The following DSEL variants were observed in gnomAD, a reference collection of about 807,000 sequenced individuals.
The protein encoded by DSEL is dermatan sulfate epimerase like, also known as dermatan-sulfate epimerase-like protein.
DSEL carries 61 observed loss-of-function variants against 96.6 expected under a neutral mutation model. The ratio of observed to expected loss-of-function variants is 0.63; its 90% CI spans 0.51 to 0.78. The LOEUF (loss-of-function observed/expected upper bound fraction) is 0.78. Among genes scored for constraint, DSEL ranks in the 30% least tolerant of loss-of-function variants. DSEL has a pLI of 0.00. For synonymous variants in DSEL, 514 were observed against 502.0 expected, an observed-to-expected ratio of 1.02 and a Z score of -0.32; for missense variants, 1,320 against 1,430.8, an observed-to-expected ratio of 0.92 and a Z score of 1.25.
rs537867992 is a variant in DSEL, at chr18:67,514,937, T to A, written c.-329A>T. ...TGAATTTAGCATTTACCTCCTTTAC[T>A]TAAATCTATTTAACACAAAGAGTTG... On this transcript the variant is annotated 5_prime_UTR_variant, in exon 2 of 2. The change creates a new upstream start codon in the 5' untranslated region. Transcript: ENST00000310045. The A allele has an allele frequency of 3.0e-6, 1 of 332,212 alleles. No homozygotes were observed. Among genetic ancestry groups the A allele is most frequent in the Non-Finnish European group, 5.7e-6 (1 of 174,964 alleles). 20.6% of individuals were successfully genotyped at this position (332,212 alleles called of 1,614,324 possible).
At position 67,514,828 on chromosome 18, in the gene DSEL, T is replaced by C. The variant is rs1598980411; in HGVS notation, c.-220A>G. The C allele has an allele frequency of 1.9e-6, 1 of 527,398 alleles. No individual in the cohort carries two copies. 32.7% of individuals were successfully genotyped at this position (527,398 alleles called of 1,614,324 possible). A position where few individuals can be genotyped will look rare whatever the true frequency, so the allele number is the denominator to read the frequency against. On this transcript the variant is annotated 5_prime_UTR_variant, in exon 2 of 2. Coordinates refer to ENST00000310045, the MANE Select transcript of DSEL (RefSeq NM_032160.3). ...GTATATCTCTGTCCCTGGCACAGTT[T>C]TGCTTCCAGTAAAACTTTGAATAAC...
chr18:67,508,733 T>TA lies in DSEL; in HGVS notation c.*2236_*2237insT, dbSNP rs2089424211. On this transcript the variant is annotated 3_prime_UTR_variant, in exon 2 of 2. Transcript: ENST00000310045. The stretch of plus-strand genomic sequence containing the variant: ...CCAACAGGTACATTTCTTTTTTTCT[T>TA]TTTTTTTTTTTTTTGAGGCGGAGTC... 1 of 143,154 alleles carries TA rather than the reference T, an allele frequency of 7.0e-6. No individual in the cohort carries two copies. The highest frequency in any genetic ancestry group is 1.5e-5 in the Non-Finnish European group (1 of 64,608). The allele number at this position is 143,154 out of a possible 1,614,324, so 8.9% of individuals were successfully genotyped here.
Position 67,514,648 on chromosome 18 carries a change from A to T in DSEL, c.-40T>A, listed in dbSNP as rs904714239. The T allele has an allele frequency of 6.2e-7, 1 of 1,602,560 alleles. No homozygotes were observed. The highest frequency in any genetic ancestry group is 8.5e-7 in the Non-Finnish European group (1 of 1,174,256). ...CTCCTCCCTTAGGCATACATGTCAGATATGATGCTCAATGTGTTTCCCATC... is the reference window on the plus strand; with the variant it reads ...CTCCTCCCTTAGGCATACATGTCAGTTATGATGCTCAATGTGTTTCCCATC... On this transcript the variant is annotated 5_prime_UTR_variant, in exon 2 of 2. Coordinates refer to ENST00000310045, the MANE Select transcript of DSEL (RefSeq NM_032160.3).
rs929846348 is a variant in DSEL at position 67,513,959 on chromosome 18, C to A, written c.650G>T (p.Gly217Val). ...TTGGTGGTTATGGAGAAGCTGTTTG[C>A]CCCATGAGCGGACCTTGGAATACTC... Reference protein sequence around the residue: ...MYEYSKVRSWGKQLLHNHQAT... With the variant: ...MYEYSKVRSWVKQLLHNHQAT... Residue 217 changes from glycine (G) to valine (V), a missense_variant, in exon 2 of 2, where the codon GGC becomes GTC. This residue lies in a region of DSEL where 323 missense variants were observed against 333.1 expected (regional missense o/e 0.97). Coordinates refer to ENST00000310045, the MANE Select transcript of DSEL (RefSeq NM_032160.3). 6 of 1,614,026 alleles carry A rather than the reference C, an allele frequency of 3.7e-6. No homozygotes were observed. The highest frequency in any genetic ancestry group is 5.1e-6 in the Non-Finnish European group (6 of 1,180,026).
Position 67,513,601 on chromosome 18 carries a change from C to T in DSEL, c.1008G>A (p.Trp336Ter). ...TVGIADSNYN[W>*]FYGPESQLVF... ...CTAGCTGGCTTTCTGGACCATAAAA[C>T]CAATTATAATTGGAATCTGCTATAC... The change falls in exon 2 of 2, where the codon TGG becomes TGA. Residue 336 changes from tryptophan to a stop codon, truncating the protein, a stop_gained. Transcript: ENST00000310045. LOFTEE classifies it high-confidence loss of function. The T allele has an allele frequency of 1.2e-6, 2 of 1,614,178 alleles. No homozygotes were observed. Among genetic ancestry groups the T allele is most frequent in the Non-Finnish European group, 1.7e-6 (2 of 1,180,028 alleles).
At position 67,511,366 on chromosome 18, in the gene DSEL, A is replaced by G. The variant is rs757479420; in HGVS notation, c.3243T>C (p.Tyr1081=). 1 of 1,603,566 alleles carries G rather than the reference A, an allele frequency of 6.2e-7. No homozygotes were observed. The highest frequency in any genetic ancestry group is 8.5e-7 in the Non-Finnish European group (1 of 1,179,980). ...TTGATAATTCTTTCCTCAATGGTTC[A>G]TACTCGAAAGCATAACCCGAATTTA... ...CNLNSGYAFE[Y]EPLRKELSKS... Residue 1081 remains tyrosine (Y), a synonymous_variant, in exon 2 of 2, where the codon TAT becomes TAC. Transcript: ENST00000310045.
At position 67,513,946 on chromosome 18, in the gene DSEL, G is replaced by A. The variant is rs772507809; in HGVS notation, c.663C>T (p.Leu221=). 6.2e-7 allele frequency: 1 copy of A among 1,614,196 alleles called. No individual in the cohort carries two copies. The highest frequency in any genetic ancestry group is 1.1e-5 in the South Asian group (1 of 91,084). The change falls in exon 2 of 2, where the codon CTC becomes CTT. Residue 221 remains leucine, a synonymous_variant. Transcript: ENST00000310045. Reference sequence around the variant, plus strand: ...TCATATTAGTGGCTTGGTGGTTATGGAGAAGCTGTTTGCCCCATGAGCGGA... The same window carrying A: ...TCATATTAGTGGCTTGGTGGTTATGAAGAAGCTGTTTGCCCCATGAGCGGA... ...SKVRSWGKQL[L]HNHQATNMIA...
chr18:67,513,210 G>A lies in DSEL; in HGVS notation c.1399C>T (p.His467Tyr). 6.2e-7 allele frequency: 1 copy of A among 1,614,204 alleles called. No individual in the cohort carries two copies. The highest frequency in any genetic ancestry group is 8.5e-7 in the Non-Finnish European group (1 of 1,180,034). ...AATGAGTTCTGATCTGGATGCTCAT[G>A]TCCTGGGTTAAAACTTCTCCACCCA... ...IDGWRSFNPG[H>Y]EHPDQNSFTF... Residue 467 changes from histidine (H) to tyrosine (Y), a missense_variant, in exon 2 of 2, where the codon CAT (histidine) becomes TAT (tyrosine). By Grantham distance (83) the His-to-Tyr change is moderately conservative. Transcript: ENST00000310045.
At chr18:67,515,724 A>C (rs2089471856) in intron 1 of DSEL, among the ~76,000 whole-genome samples, 1 of 152,206 alleles carries the variant, frequency 6.6e-6, no homozygotes. Context: ...TAACAATACA[A>C]AATATACAAG....
In DSEL at chr18:67,515,448, A is replaced by G. The variant is rs1038055989; in HGVS notation, c.-840T>C. ...AACGGGGAAAGAAAATTCCCCTTTC[A>G]GCAACAGTGAGGTCTCTCTTCTGCT... On this transcript the variant is annotated 5_prime_UTR_variant, in exon 2 of 2. Coordinates refer to ENST00000310045, the MANE Select transcript of DSEL (RefSeq NM_032160.3). 2 of 167,112 alleles carry G rather than the reference A, an allele frequency of 1.2e-5. No homozygotes were observed. The highest frequency in any genetic ancestry group is 2.9e-5 in the Non-Finnish European group (2 of 68,140). 10.4% of individuals were successfully genotyped at this position (167,112 alleles called of 1,614,324 possible). A position where few individuals can be genotyped will look rare whatever the true frequency, so the allele number is the denominator to read the frequency against.
Position 67,512,371 on chromosome 18 carries a change from G to T in DSEL, c.2238C>A (p.Thr746=), listed in dbSNP as rs2089448602. 1 of 1,614,120 alleles carries T rather than the reference G, an allele frequency of 6.2e-7. No individual in the cohort carries two copies. Among genetic ancestry groups the T allele is most frequent in the Admixed American group, 1.7e-5 (1 of 60,016 alleles). The change falls in exon 2 of 2, where the codon ACC becomes ACA. Residue 746 remains threonine (T), a synonymous_variant. Transcript: ENST00000310045. ...FASVADQGQI[T]RFGLGTQAIV... The stretch of plus-strand genomic sequence containing the variant: ...TTGCTTGAGTGCCCAAACCAAATCG[G>T]GTTATTTGGCCTTGATCAGCCACAC...
chr18:67,513,269 T>C lies in DSEL; in HGVS notation c.1340A>G (p.Asp447Gly), dbSNP rs747034575. 1.2e-6 allele frequency: 2 copies of C among 1,614,206 alleles called. No homozygotes were observed. The highest frequency in any genetic ancestry group is 1.7e-6 in the Non-Finnish European group (2 of 1,180,048). ...GGAATATGGCTGAAAATGAACTATGTCATACACAGCTCGTCCCCCCAGCTT... is the reference window on the plus strand; with the variant it reads ...GGAATATGGCTGAAAATGAACTATGCCATACACAGCTCGTCCCCCCAGCTT... ...SGKLGGRAVY[D>G]IVHFQPYSWI... The change falls in exon 2 of 2, where the codon GAC (aspartate) becomes GGC (glycine). Residue 447 changes from aspartate (D) to glycine (G), a missense_variant. Asp to Gly is a moderately conservative substitution (Grantham distance 94). This residue lies in a region of DSEL where 986 missense variants were observed against 1,066.4 expected (regional missense o/e 0.92). Coordinates refer to ENST00000310045, the MANE Select transcript of DSEL (RefSeq NM_032160.3).
Position 67,511,347 on chromosome 18 carries a change from AT to A in DSEL, c.3261del (p.Glu1087AspfsTer18). On this transcript the variant is annotated frameshift_variant, in exon 2 of 2. Transcript: ENST00000310045. LOFTEE classifies it high-confidence loss of function. The part of the protein sequence containing the change: ...YAFEYEPLRK[E>X]LSKSKSNAVS... ...ACTGCATTTGATTTGGATTTTGATA[AT>A]TCTTTCCTCAATGGTTCATACTCGA... The A allele has an allele frequency of 6.2e-7, 1 of 1,604,616 alleles. No homozygotes were observed. Among genetic ancestry groups the A allele is most frequent in the Non-Finnish European group, 8.5e-7 (1 of 1,179,984 alleles).
At position 67,512,404 on chromosome 18, in the gene DSEL, G is replaced by A. The variant is rs1365328113; in HGVS notation, c.2205C>T (p.Gly735=). The A allele has an allele frequency of 6.2e-7, 1 of 1,614,054 alleles. No individual in the cohort carries two copies. The highest frequency in any genetic ancestry group is 8.5e-7 in the Non-Finnish European group (1 of 1,180,046). The change falls in exon 2 of 2, where the codon GGC becomes GGT. Residue 735 remains glycine (G), a synonymous_variant. Coordinates refer to ENST00000310045, the MANE Select transcript of DSEL (RefSeq NM_032160.3). ...KTRFNYLGFG[G]FASVADQGQI... ...GGCCTTGATCAGCCACACTGGCAAA[G>A]CCACCGAATCCCAGATAATTGAATC...
Position 67,512,647 on chromosome 18 carries a change from A to T in DSEL, c.1962T>A (p.Ala654=). 6 of 1,614,164 alleles carry T rather than the reference A, an allele frequency of 3.7e-6. No homozygotes were observed. The highest frequency in any genetic ancestry group is 5.1e-6 in the Non-Finnish European group (6 of 1,180,038). Residue 654 remains alanine, a synonymous_variant, in exon 2 of 2, where the codon GCT becomes GCA. Coordinates refer to ENST00000310045, the MANE Select transcript of DSEL (RefSeq NM_032160.3). ...GAGTCCATCGTTTTTTAAATTCAGC[A>T]GCTTGCTCTGCTTCCTGTATACTGG... ...PMASIQEAEQ[A]AEFKKRWTQF... is the part of the protein sequence containing the mutation.
Position 67,512,547 on chromosome 18 carries a change from T to C in DSEL, c.2062A>G (p.Asn688Asp), listed in dbSNP as rs534504839. 1.2e-5 allele frequency: 20 copies of C among 1,614,038 alleles called. No homozygotes were observed. The highest frequency in any genetic ancestry group is 1.5e-5 in the Non-Finnish European group (18 of 1,180,022). ...IAYVFYGPYI[N>D]VSSCRFIDSS... Reference sequence around the variant, plus strand: ...TCAATAAATCTGCAGCTGGAGACATTGATATATGGCCCATAAAAGACATAT... The same window carrying C: ...TCAATAAATCTGCAGCTGGAGACATCGATATATGGCCCATAAAAGACATAT... Residue 688 changes from asparagine (N) to aspartate (D), a missense_variant, in exon 2 of 2, where the codon AAT (asparagine) becomes GAT (aspartate). Physicochemically the swap from Asn to Asp is conservative, Grantham distance 23 (BLOSUM62 1). Coordinates refer to ENST00000310045, the MANE Select transcript of DSEL (RefSeq NM_032160.3).
rs1358962676 is a variant in DSEL, at chr18:67,510,095, G to C, written c.*875C>G. 3 of 152,146 alleles carry C rather than the reference G, an allele frequency of 2.0e-5. No individual in the cohort carries two copies. The highest frequency in any genetic ancestry group is 1.3e-4 in the Admixed American group (2 of 15,282). 9.4% of individuals were successfully genotyped at this position (152,146 alleles called of 1,614,324 possible). A position where few individuals can be genotyped will look rare whatever the true frequency, so the allele number is the denominator to read the frequency against. Reference sequence around the variant, plus strand: ...TCTTTAACGCAAAATTAATCAACTGGGGGGAAAATGCCCCACAATATTGAG... The same window carrying C: ...TCTTTAACGCAAAATTAATCAACTGCGGGGAAAATGCCCCACAATATTGAG... On this transcript the variant is annotated 3_prime_UTR_variant, in exon 2 of 2. Transcript: ENST00000310045.
rs2089477409 is a variant in DSEL at position 67,516,517 on chromosome 18, A to AGCTCGGTCTCCTCAGCCGC, written c.-1060_-1042dup. ...CCCGCGCTACGGCAGGCGCTGCCCC[A>AGCTCGGTCTCCTCAGCCGC]GCTCGGTCTCCTCAGCCGCGCTCGG... On this transcript the variant is annotated 5_prime_UTR_variant, in exon 1 of 2. Coordinates refer to ENST00000310045, the MANE Select transcript of DSEL (RefSeq NM_032160.3). This position sits in a 1 kb window ranked among gnomAD's most constrained non-coding sequence, Gnocchi z 5.6. The AGCTCGGTCTCCTCAGCCGC allele has an allele frequency of 6.6e-6, 1 of 152,428 alleles. No homozygotes were observed. The highest frequency in any genetic ancestry group is 6.5e-5 in the Admixed American group (1 of 15,278). The allele number at this position is 152,428 out of a possible 1,614,324, so 9.4% of individuals were successfully genotyped here.
rs1255782088 is a variant in DSEL, at chr18:67,509,430, GA to G, written c.*1539del. On this transcript the variant is annotated 3_prime_UTR_variant, in exon 2 of 2. Transcript: ENST00000310045. ...GAATTTCATTCATTTTGAAATTACA[GA>G]GGGACAATCATGAGAGATATGGGAA... 8 of 152,082 alleles carry G rather than the reference GA, an allele frequency of 5.3e-5. No individual in the cohort carries two copies. Among genetic ancestry groups the G allele is most frequent in the African/African-American group, 1.7e-4 (7 of 41,418 alleles). The allele number at this position is 152,082 out of a possible 1,614,324, so 9.4% of individuals were successfully genotyped here.
Sources: allele counts gnomAD v4.1 joint callset (sites outside exome capture counted in the v4.1 genomes callset), GRCh38; gene constraint gnomAD v4.1.1; regional missense constraint gnomAD v4.1.1; non-coding constraint Gnocchi (gnomAD v3.1); transcripts MANE v1.5; gene names NCBI Gene and HGNC (gene_info 2026-07-23, HGNC 2026-07-21).